MCHR2: variants seen among roughly 807,000 people sequenced by gnomAD.
MCHR2 encodes melanin-concentrating hormone receptor 2.
A neutral mutation model predicts 24.8 loss-of-function variants in MCHR2; 15 were observed. The observed-to-expected ratio is 0.60, with a 90% confidence interval of 0.40 to 0.93. The LOEUF is 0.93. MCHR2 is among the 40% of genes least tolerant of loss of function. The pLI, the probability that MCHR2 is intolerant of heterozygous loss-of-function variation, is 0.00. For missense variants in MCHR2, 386 were observed against 408.7 expected, an observed-to-expected ratio of 0.94 and a Z score of 0.48; for synonymous variants, 151 against 147.6, an observed-to-expected ratio of 1.02 and a Z score of -0.17.
At chr6:99,948,501 G>T (rs1047404529) in intron 2 of MCHR2, among the ~76,000 whole-genome samples, 1 of 152,106 alleles carries the variant, frequency 6.6e-6, no homozygotes, top group African/African-American at 2.4e-5. Flanking sequence ...TCCTCCAGCC[G>T]CAGCCAAGCC....
At chr6:99,964,816 T>G (rs865779133) in intron 1 of MCHR2, among the ~76,000 whole-genome samples, 2 of 152,212 alleles carry the variant, frequency 1.3e-5, no homozygotes, top group African/African-American at 4.8e-5. Flanking sequence ...TATATAGCAC[T>G]GGATGGGAAC....
chr6:99,928,298 C>T (rs947685965), intron 5 of MCHR2, among the ~76,000 whole-genome samples: 3 of 152,102 alleles, frequency 2.0e-5, no homozygotes, highest in Non-Finnish European at 4.4e-5. Context: ...CTACAATTCT[C>T]TTTTTTGGTT....
Position 99,956,194 on chromosome 6 carries a change from G to T in MCHR2, c.-27-20C>A. ...TTAAAGCTGTGAAGTAATAGGAAGT[G>T]ATTTATTTAGTGAACATTCCCTCAA... On this transcript the variant is annotated intron_variant, in intron 1 of 5. Transcript: ENST00000281806. The T allele has an allele frequency of 6.8e-7, 1 of 1,461,190 alleles. No individual in the cohort carries two copies. The highest frequency in any genetic ancestry group is 9.3e-7 in the Non-Finnish European group (1 of 1,076,188). 90.5% of individuals were successfully genotyped at this position (1,461,190 alleles called of 1,614,324 possible). A position where few individuals can be genotyped will look rare whatever the true frequency, so the allele number is the denominator to read the frequency against.
At position 99,961,024 on chromosome 6, in the gene MCHR2, G is replaced by A. The variant is rs574646758; in HGVS notation, c.-27-4850C>T. On this transcript the variant is annotated intron_variant, in intron 1 of 5. Coordinates refer to ENST00000281806, the MANE Select transcript of MCHR2 (RefSeq NM_001040179.2). Reference sequence around the variant, plus strand: ...GAGCTTCTGCACAGCAAAAGAAACTGTCATGAGAGTGAACAGGTAACCTAT... The same window carrying A: ...GAGCTTCTGCACAGCAAAAGAAACTATCATGAGAGTGAACAGGTAACCTAT... Among the ~76,000 whole-genome samples, 123 of 152,116 alleles carry A rather than the reference G, an allele frequency of 8.1e-4. 1 individual carries two copies. The highest frequency in any genetic ancestry group is 2.5e-3 in the South Asian group (12 of 4,818).
chr6:99,976,645 T>C (rs1775557409), intron 1 of MCHR2, among the ~76,000 whole-genome samples: 2 of 67,170 alleles, frequency 3.0e-5, no homozygotes, highest in East Asian at 4.9e-3. Context: ...TTTTTTACAG[T>C]GCTCCCCAGC....
chr6:99,982,077 C>T (rs952895504), intron 1 of MCHR2, among the ~76,000 whole-genome samples: 5 of 152,104 alleles, frequency 3.3e-5, no homozygotes, highest in Admixed American at 2.6e-4. Flanking sequence ...CCCTAAACCC[C>T]CCGCTCCCTA....
chr6:99,988,652 G>GA (rs1286282881), intron 1 of MCHR2, among the ~76,000 whole-genome samples: 4 of 151,892 alleles, frequency 2.6e-5, no homozygotes, highest in Non-Finnish European at 5.9e-5. Flanking sequence ...TCAAGGCAAG[G>GA]AAAAACGAGA....
intron 1 of MCHR2, 76 bp from the exon 2 acceptor site, chr6:99,956,250 T>A (rs375338879): frequency 9.3e-7 from 1 of 1,071,796 alleles, no homozygotes. Flanking sequence ...TCAAATAATA[T>A]TTTTTGGAAC....
rs746500728 is a variant in MCHR2, at chr6:99,934,392, A to T, written c.707+6T>A. 5.1e-6 allele frequency: 8 copies of T among 1,569,344 alleles called. No individual in the cohort carries two copies. Among genetic ancestry groups the T allele is most frequent in the Non-Finnish European group, 6.9e-6 (8 of 1,164,808 alleles). ...TTTTAACAAATAAAACAAGGCAAACACTTACCATCTGGCATCCTTATTCTG... is the reference window on the plus strand; with the variant it reads ...TTTTAACAAATAAAACAAGGCAAACTCTTACCATCTGGCATCCTTATTCTG... On this transcript the variant is annotated splice_donor_region_variant and intron_variant, in intron 5 of 5. Transcript: ENST00000281806.
At chr6:99,961,030 A>C (rs535450269) in intron 1 of MCHR2, among the ~76,000 whole-genome samples, 1 of 152,284 alleles carries the variant, frequency 6.6e-6, no homozygotes, top group Admixed American at 6.5e-5. Flanking sequence ...AACTGTCATG[A>C]GAGTGAACAG....
chr6:99,930,485 G>A (rs964810240), intron 5 of MCHR2, among the ~76,000 whole-genome samples: 11 of 152,274 alleles, frequency 7.2e-5, no homozygotes, highest in Non-Finnish European at 8.8e-5. Context: ...CCAATCAGAC[G>A]TAGATTTGGT....
At chr6:99,941,112 A>C (rs1235015436) in intron 4 of MCHR2, among the ~76,000 whole-genome samples, 1 of 150,346 alleles carries the variant, frequency 6.7e-6, no homozygotes. Context: ...GTCTACCTTG[A>C]TCTCGTTTTT....
intron 1 of MCHR2, among the ~76,000 whole-genome samples, 174 bp from the exon 2 acceptor site, chr6:99,956,348 A>C (rs1775061254): frequency 6.6e-6 from 1 of 152,266 alleles, no homozygotes; most frequent in Non-Finnish European, 1.5e-5. Context: ...ACAGATTACC[A>C]CAAGAGATAG....
Position 99,921,157 on chromosome 6 carries a change from A to G in MCHR2, c.806T>C (p.Val269Ala). The G allele has an allele frequency of 6.2e-7, 1 of 1,614,214 alleles. No homozygotes were observed. The highest frequency in any genetic ancestry group is 1.3e-5 in the African/African-American group (1 of 75,058). ...VFILSAAPYH[V>A]IQLVNLQMEQ... ...CATCTGTAAGTTCACCAGTTGTATC[A>G]CATGATAAGGGGCAGCACTCAGGAT... The change falls in exon 6 of 6, where the codon GTG becomes GCG. Residue 269 changes from valine (V) to alanine (A), a missense_variant. Transcript: ENST00000281806.
At chr6:99,985,625 T>C (rs1046413775) in intron 1 of MCHR2, among the ~76,000 whole-genome samples, 4 of 152,196 alleles carry the variant, frequency 2.6e-5, no homozygotes, top group Non-Finnish European at 4.4e-5. Context: ...AATAGTCATA[T>C]GCAGAAGAAT....
At chr6:99,955,199 A>T (rs886532515) in intron 2 of MCHR2, among the ~76,000 whole-genome samples, 1 of 152,216 alleles carries the variant, frequency 6.6e-6, no homozygotes, top group Non-Finnish European at 1.5e-5. Context: ...TCAGGATAGT[A>T]AATATACCAA....
intron 1 of MCHR2, among the ~76,000 whole-genome samples, chr6:99,990,909 G>A (rs1366052836): frequency 6.8e-6 from 1 of 147,606 alleles, no homozygotes. Context: ...CAGGCCCTCG[G>A]TTCTTCAGAC....
intron 5 of MCHR2, among the ~76,000 whole-genome samples, chr6:99,929,655 T>G (rs954200060): frequency 1.3e-5 from 2 of 152,134 alleles, no homozygotes; most frequent in African/African-American, 4.8e-5. Flanking sequence ...AGACTAGGAT[T>G]GCAACCCCTG....
At chr6:99,990,012 A>G (rs1045810456) in intron 1 of MCHR2, among the ~76,000 whole-genome samples, 3 of 151,446 alleles carry the variant, frequency 2.0e-5, no homozygotes, top group African/African-American at 7.3e-5. Flanking sequence ...TAAGATTAAA[A>G]GGCATTTTCA....
Sources: gnomAD v4.1 joint callset for allele counts (sites outside exome capture counted in the v4.1 genomes callset) on GRCh38, gnomAD v4.1.1 for gene constraint, MANE v1.5 for transcripts, NCBI Gene and HGNC (gene_info 2026-07-23, HGNC 2026-07-21) for gene names.